The following GRIA1 variants were observed in gnomAD, a reference collection of about 807,000 sequenced individuals.
GRIA1 encodes the protein glutamate receptor 1.
GRIA1 carries 31 observed loss-of-function variants against 99.2 expected under a neutral mutation model. That is an observed-to-expected ratio of 0.31 (90% CI 0.23 to 0.42). The LOEUF is 0.42. Among genes scored for constraint, GRIA1 ranks in the 10% least tolerant of loss-of-function variants. GRIA1 has a pLI of 1.00. For missense variants in GRIA1, 782 were observed against 1,157.5 expected (o/e 0.68, Z 4.71); for synonymous variants, 438 against 432.4 (o/e 1.01, Z -0.16).
In GRIA1 at chr5:153,692,432, AAAG is replaced by A. The variant is rs1350397800; in HGVS notation, c.1135-5607_1135-5605del. Among the ~76,000 whole-genome samples, 6 of 152,326 alleles carry A rather than the reference AAAG, an allele frequency of 3.9e-5. No individual in the cohort carries two copies. In the East Asian group the frequency reaches 9.6e-4, roughly 24 times the overall value. On this transcript the variant is annotated intron_variant, in intron 8 of 15. Transcript: ENST00000285900. Reference sequence around the variant, plus strand: ...ATTTTTAAATGGTTGTAATAAATCAAAAGAAGACCATTTTGTGACATGTGAAAA... The same window carrying A: ...ATTTTTAAATGGTTGTAATAAATCAAAAGACCATTTTGTGACATGTGAAAA...
chr5:153,795,348 T>G, intron 14 of GRIA1: 1 of 608,770 alleles, frequency 1.6e-6, no homozygotes, highest in Non-Finnish European at 3.0e-6. Flanking sequence ...AGATGGAGTA[T>G]TTTAGAGTAT....
intron 5 of GRIA1, among the ~76,000 whole-genome samples, chr5:153,672,028 C>T (rs1756221635): frequency 1.3e-5 from 2 of 152,270 alleles, no homozygotes; most frequent in Admixed American, 6.5e-5. Flanking sequence ...GTACAAGGGG[C>T]TTCTTGGGTG....
chr5:153,802,535 G>A (rs1766119243), intron 15 of GRIA1, 45 bp downstream of exon 15: 2 of 1,606,300 alleles, frequency 1.2e-6, no homozygotes, highest in African/African-American at 1.3e-5. Flanking sequence ...GTTCTGTGAT[G>A]CAGCTGGGTT....
intron 2 of GRIA1, among the ~76,000 whole-genome samples, chr5:153,550,860 T>C (rs1295648127): frequency 2.0e-5 from 3 of 152,182 alleles, no homozygotes; most frequent in Non-Finnish European, 2.9e-5. Flanking sequence ...GGTCTGGGGT[T>C]GGACCCAAGA....
chr5:153,561,495 G>A (rs1761119913), intron 2 of GRIA1, among the ~76,000 whole-genome samples: 1 of 152,158 alleles, frequency 6.6e-6, no homozygotes, highest in African/African-American at 2.4e-5. Context: ...GCTGTAACTT[G>A]TAGAGCCTGG....
rs139877453 is a variant in GRIA1 at position 153,638,637 on chromosome 5, A to T, written c.221-8291A>T. 1.0e-3 allele frequency among the ~76,000 whole-genome samples: 157 copies of T among 152,366 alleles called. 1 individual carries two copies. In the East Asian group the frequency reaches 0.025, roughly 24 times the overall value. On this transcript the variant is annotated intron_variant, in intron 2 of 15. Transcript: ENST00000285900. ...TAAAGAGACTGTCCATGAAATGCTG[A>T]CATCTAGATTTCTAGAGCTGCTGCA...
In GRIA1 at chr5:153,595,189, T is replaced by G. The variant is rs1314432575; in HGVS notation, c.221-51739T>G. On this transcript the variant is annotated intron_variant, in intron 2 of 15. Coordinates refer to ENST00000285900, the MANE Select transcript of GRIA1 (RefSeq NM_000827.4). ...TTGGGGGAGATAGCAAAGATAAGCA[T>G]GTATGTTCCACATCACATGCATCAG... 1.3e-5 allele frequency among the ~76,000 whole-genome samples: 2 copies of G among 152,192 alleles called. 1 individual carries two copies. Among genetic ancestry groups the G allele is most frequent in the South Asian group, 4.1e-4 (2 of 4,832 alleles).
chr5:153,584,347 A>G (rs544083066), intron 2 of GRIA1, among the ~76,000 whole-genome samples: 18 of 152,138 alleles, frequency 1.2e-4, no homozygotes, highest in South Asian at 4.1e-4. Context: ...ATAAATTAAC[A>G]TCTGGAAAGA....
intron 5 of GRIA1, among the ~76,000 whole-genome samples, chr5:153,663,751 G>A (rs76483665): frequency 0.069 from 10,511 of 152,262 alleles, 428 homozygotes; most frequent in South Asian, 0.12. Flanking sequence ...CTTCCTGCCT[G>A]TGTGATTTAG....
rs70978505 is a variant in GRIA1 at position 153,705,662 on chromosome 5, ATTTTTTTTTTTTTTTTTTT to A, written c.1453-22_1453-4del. 7 of 752,736 alleles carry A rather than the reference ATTTTTTTTTTTTTTTTTTT, an allele frequency of 9.3e-6. No homozygotes were observed. In the African/African-American group the frequency reaches 1.7e-4, roughly 18 times the overall value. 46.6% of individuals were successfully genotyped at this position (752,736 alleles called of 1,614,324 possible). Reference sequence around the variant, plus strand: ...GAAAAGGGCTGCTGAGCTCACCTGCATTTTTTTTTTTTTTTTTTTTTTTTTTTTTTTCAGAGAGCAGATG... The same window carrying A: ...GAAAAGGGCTGCTGAGCTCACCTGCATTTTTTTTTTTTCAGAGAGCAGATG... On this transcript the variant is annotated splice_polypyrimidine_tract_variant and intron_variant, in intron 10 of 15. Transcript: ENST00000285900.
rs75151411 is a variant in GRIA1, at chr5:153,681,594, G to A, written c.1029+4433G>A. ...GGGATAGAAGAGCTGGGTTCCAACC[G>A]TGGCTCCACGCAGAACTATCTGGGG... On this transcript the variant is annotated intron_variant, in intron 7 of 15. Coordinates refer to ENST00000285900, the MANE Select transcript of GRIA1 (RefSeq NM_000827.4). 5.3e-3 allele frequency among the ~76,000 whole-genome samples: 809 copies of A among 152,278 alleles called. 11 individuals are homozygous for A. Among genetic ancestry groups the A allele is most frequent in the African/African-American group, 0.018 (745 of 41,544 alleles).
chr5:153,572,360 G>A (rs566840758), intron 2 of GRIA1, among the ~76,000 whole-genome samples: 8 of 152,298 alleles, frequency 5.3e-5, no homozygotes, highest in South Asian at 4.1e-4. Context: ...GAAAGGTGTT[G>A]TGGCAGAAGG....
At chr5:153,794,080 T>C (rs541671227) in intron 13 of GRIA1, among the ~76,000 whole-genome samples, 170 of 152,196 alleles carry the variant, frequency 1.1e-3, no homozygotes, top group Non-Finnish European at 1.3e-3. Flanking sequence ...GCCTAATTAT[T>C]TCTTTATGTG....
chr5:153,592,368 TG>T (rs1764048404), intron 2 of GRIA1, among the ~76,000 whole-genome samples: 1 of 151,612 alleles, frequency 6.6e-6, no homozygotes, highest in Non-Finnish European at 1.5e-5. Context: ...AGTCCAGGTT[TG>T]GGAGTCAGGA....
At chr5:153,642,816 A>G (rs1753869130) in intron 2 of GRIA1, among the ~76,000 whole-genome samples, 1 of 152,126 alleles carries the variant, frequency 6.6e-6, no homozygotes, top group Non-Finnish European at 1.5e-5. Flanking sequence ...TACTTGTCAT[A>G]TCTGACAATG....
intron 2 of GRIA1, among the ~76,000 whole-genome samples, chr5:153,576,959 TGGA>T (rs1355481391): frequency 6.9e-6 from 1 of 144,980 alleles, no homozygotes; most frequent in Non-Finnish European, 1.5e-5. Context: ...GATGGATGGA[TGGA>T]TGGATGGATG....
In GRIA1 at chr5:153,770,385, G is replaced by A. The variant is rs1215146520; in HGVS notation, c.2240G>A (p.Gly747Asp). ...GGTAACTTGGATTCCAAAGGCTATG[G>A]CATTGCAACACCCAAGGGGTCTGCC... The part of the protein sequence containing the change: ...VGGNLDSKGY[G>D]IATPKGSALR... Residue 747 changes from glycine to aspartate, a missense_variant, in exon 13 of 16, where the codon GGC becomes GAC. This residue lies in a region of GRIA1 where 119 missense variants were observed against 326.6 expected (regional missense o/e 0.36). Transcript: ENST00000285900. 6.2e-7 allele frequency: 1 copy of A among 1,613,848 alleles called. No homozygotes were observed. The highest frequency in any genetic ancestry group is 1.7e-5 in the Admixed American group (1 of 60,006).
rs149902825 is a variant in GRIA1, at chr5:153,495,849, G to A, written c.220+1784G>A. Among the ~76,000 whole-genome samples the A allele has an allele frequency of 8.0e-4, 122 of 152,266 alleles. 1 individual carries two copies. The South Asian group carries it at 8.5e-3, about 11-fold the overall frequency. ...GCTTTGATTAGGGTCTTTGGAAGGG[G>A]CATTTGGTTGGGGGCATCAGTGTAC... On this transcript the variant is annotated intron_variant, in intron 2 of 15. Transcript: ENST00000285900.
At position 153,674,523 on chromosome 5, in the gene GRIA1, C is replaced by A; in HGVS notation, c.723C>A (p.Asn241Lys). The change falls in exon 6 of 16, where the codon AAC becomes AAA. Residue 241 changes from asparagine (N) to lysine (K), a missense_variant. Physicochemically the swap from Asn to Lys is moderately conservative, Grantham distance 94. This residue lies in a region of GRIA1 where 461 missense variants were observed against 521.7 expected (regional missense o/e 0.88). Transcript: ENST00000285900. Reference sequence around the variant, plus strand: ...AGGGCTTCATGGACATTGACTTAAACAAATTCAAGGAGAGTGGCGCCAATG... The same window carrying A: ...AGGGCTTCATGGACATTGACTTAAAAAAATTCAAGGAGAGTGGCGCCAATG... The part of the protein sequence containing the change: ...ANLGFMDIDL[N>K]KFKESGANVT... The A allele has an allele frequency of 6.2e-7, 1 of 1,614,122 alleles. No homozygotes were observed. Among genetic ancestry groups the A allele is most frequent in the Non-Finnish European group, 8.5e-7 (1 of 1,179,994 alleles).
Sources: gnomAD v4.1 joint callset for allele counts (sites outside exome capture counted in the v4.1 genomes callset) on GRCh38, gnomAD v4.1.1 for gene constraint, gnomAD v4.1.1 regional missense constraint, MANE v1.5 for transcripts, NCBI Gene and HGNC (gene_info 2026-07-23, HGNC 2026-07-21) for gene names.